OXR1: variants seen among roughly 807,000 people sequenced by gnomAD.
The protein encoded by OXR1 is oxidation resistance 1.
In OXR1, 41 loss-of-function variants were observed where a neutral mutation model predicts 104.6. The ratio of observed to expected loss-of-function variants is 0.39; its 90% confidence interval spans 0.31 to 0.51. The LOEUF (loss-of-function observed/expected upper bound fraction) is 0.51, where lower values mean the gene tolerates loss of function less well. Ranked by LOEUF, OXR1 falls within the 20% of genes least tolerant of loss-of-function variation. The probability of loss-of-function intolerance (pLI) is 0.77; values close to 1 mark genes in which losing one functional copy is unlikely to be tolerated. For missense variants in OXR1, 955 were observed against 1,031.9 expected, an observed-to-expected ratio of 0.93 and a Z score of 1.02; for synonymous variants, 348 against 348.4, an observed-to-expected ratio of 1.00 and a Z score of 0.01.
At chr8:106,300,081 T>C (rs780364031) in intron 1 of OXR1, among the ~76,000 whole-genome samples, 10 of 152,196 alleles carry the variant, frequency 6.6e-5, no homozygotes, top group Non-Finnish European at 1.3e-4. Flanking sequence ...TTTATAGTTA[T>C]GGTATAGAAT....
rs1416407771 is a variant in OXR1 at position 106,751,983 on chromosome 8, A to G, written c.*1042A>G. ...ATATTGTAACTCAGTAGACTTGTTG[A>G]ATATGCAAACTTACTGTCAAGTGAC... On this transcript the variant is annotated 3_prime_UTR_variant, in exon 17 of 17. Transcript: ENST00000517566. 1 of 152,496 alleles carries G rather than the reference A, an allele frequency of 6.6e-6. No individual in the cohort carries two copies. Among genetic ancestry groups the G allele is most frequent in the Non-Finnish European group, 1.5e-5 (1 of 67,946 alleles). The allele number at this position is 152,496 out of a possible 1,614,324, so 9.4% of individuals were successfully genotyped here.
chr8:106,569,888 A>G (rs1004110902), intron 3 of OXR1, among the ~76,000 whole-genome samples: 3 of 152,242 alleles, frequency 2.0e-5, no homozygotes, highest in African/African-American at 7.2e-5. Context: ...TCAAATGTGA[A>G]ATGTCTGTGT....
chr8:106,543,286 C>G (rs1586785133), intron 3 of OXR1, among the ~76,000 whole-genome samples: 1 of 152,084 alleles, frequency 6.6e-6, no homozygotes, highest in East Asian at 1.9e-4. Flanking sequence ...AATTCCCCAC[C>G]TGAGATGCAG....
chr8:106,309,985 T>C (rs558878914), intron 1 of OXR1, among the ~76,000 whole-genome samples: 1 of 151,978 alleles, frequency 6.6e-6, no homozygotes, highest in Non-Finnish European at 1.5e-5. Flanking sequence ...ACCTCTGTGA[T>C]TCTGAATATC....
At chr8:106,425,536 G>C (rs1296135839) in intron 2 of OXR1, among the ~76,000 whole-genome samples, 1 of 152,152 alleles carries the variant, frequency 6.6e-6, no homozygotes, top group African/African-American at 2.4e-5. Flanking sequence ...GGATCAGTAA[G>C]TCCGCATCAT....
intron 2 of OXR1, among the ~76,000 whole-genome samples, chr8:106,468,679 A>G (rs1821320250): frequency 6.6e-6 from 1 of 151,800 alleles, no homozygotes; most frequent in African/African-American, 2.4e-5. Flanking sequence ...ATGATGTGAT[A>G]TATTTGGATT....
At chr8:106,526,696 C>T (rs532953768) in intron 3 of OXR1, among the ~76,000 whole-genome samples, 1 of 152,198 alleles carries the variant, frequency 6.6e-6, no homozygotes, top group African/African-American at 2.4e-5. Flanking sequence ...GCGTCCGCCA[C>T]CACGCCCGGC....
intron 1 of OXR1, among the ~76,000 whole-genome samples, chr8:106,292,100 C>A (rs946961991): frequency 6.6e-6 from 1 of 152,108 alleles, no homozygotes; most frequent in Non-Finnish European, 1.5e-5. Flanking sequence ...TTCAGCGTAT[C>A]CATGCTATAG....
intron 1 of OXR1, among the ~76,000 whole-genome samples, chr8:106,341,529 C>G (rs1815247677): frequency 6.6e-6 from 1 of 152,064 alleles, no homozygotes. Context: ...ACAGGAATAT[C>G]AAATATGTGT....
chr8:106,616,485 GAATACA>G (rs1821251746), intron 3 of OXR1, among the ~76,000 whole-genome samples: 2 of 152,000 alleles, frequency 1.3e-5, no homozygotes, highest in Non-Finnish European at 2.9e-5. Context: ...AGTTTGTATT[GAATACA>G]AATGTAGCTC....
At chr8:106,518,192 A>G (rs899239043) in intron 2 of OXR1, among the ~76,000 whole-genome samples, 2 of 152,212 alleles carry the variant, frequency 1.3e-5, no homozygotes, top group African/African-American at 4.8e-5. Context: ...GTTTATAGGG[A>G]ATGAAAGACT....
intron 2 of OXR1, among the ~76,000 whole-genome samples, chr8:106,428,629 A>T (rs1382574627): frequency 3.1e-4 from 46 of 148,254 alleles, no homozygotes; most frequent in African/African-American, 1.1e-3. Flanking sequence ...TTTTTTAAAC[A>T]TCTAGTTGAC....
At position 106,704,393 on chromosome 8, in the gene OXR1, C is replaced by CTTTTT. The variant is rs71307084; in HGVS notation, c.860+1330_860+1334dup. 6.3e-3 allele frequency among the ~76,000 whole-genome samples: 300 copies of CTTTTT among 47,846 alleles called. 6 individuals are homozygous for CTTTTT. Among genetic ancestry groups the CTTTTT allele is most frequent in the African/African-American group, 7.2e-3 (71 of 9,924 alleles). The allele number at this position is 47,846 out of a possible 152,430, so 31.4% of individuals were successfully genotyped here. On this transcript the variant is annotated intron_variant, in intron 8 of 16. Transcript: ENST00000517566. ...TTTTTCTTTTTCTTTCTTTCTTCTT[C>CTTTTT]TTTTTTTTTTTTTTTTTTTTTTTTT...
intron 4 of OXR1, 121 bp from the exon 5 acceptor site, chr8:106,683,078 T>C: frequency 3.7e-6 from 2 of 535,928 alleles, no homozygotes; most frequent in South Asian, 3.0e-5. Flanking sequence ...TTTTCAAAGA[T>C]GACAATACCA....
At chr8:106,444,317 G>A (rs1819921737) in intron 2 of OXR1, among the ~76,000 whole-genome samples, 1 of 152,170 alleles carries the variant, frequency 6.6e-6, no homozygotes. Context: ...AATAACATTT[G>A]TTCCAGCAAT....
intron 2 of OXR1, among the ~76,000 whole-genome samples, chr8:106,376,911 A>G (rs1316238712): frequency 6.6e-6 from 1 of 152,214 alleles, no homozygotes; most frequent in Non-Finnish European, 1.5e-5. Flanking sequence ...TCTTCTAATT[A>G]ATACAAGTAT....
chr8:106,679,636 A>C (rs1021760757), intron 4 of OXR1, among the ~76,000 whole-genome samples: 7 of 152,028 alleles, frequency 4.6e-5, no homozygotes, highest in African/African-American at 1.7e-4. Flanking sequence ...AGTGCTAGTG[A>C]TAGTTATAAT....
intron 3 of OXR1, among the ~76,000 whole-genome samples, chr8:106,523,595 A>G (rs1259839817): frequency 6.6e-6 from 1 of 152,160 alleles, no homozygotes; most frequent in Non-Finnish European, 1.5e-5. Flanking sequence ...AGTTTATTTC[A>G]TAGTCCATTA....
At chr8:106,722,052 C>G (rs1306816804) in intron 11 of OXR1, among the ~76,000 whole-genome samples, 1 of 152,154 alleles carries the variant, frequency 6.6e-6, no homozygotes, top group Non-Finnish European at 1.5e-5. Context: ...GGAGACTTCC[C>G]TTGTTTGGTT....
Sources: allele counts gnomAD v4.1 joint callset (sites outside exome capture counted in the v4.1 genomes callset), GRCh38; gene constraint gnomAD v4.1.1; transcripts MANE v1.5; gene names NCBI Gene and HGNC (gene_info 2026-07-23, HGNC 2026-07-21).